SLC38A4: variants seen among roughly 807,000 people sequenced by gnomAD.
SLC38A4 encodes solute carrier family 38 member 4.
In SLC38A4, 20 loss-of-function variants were observed where a neutral mutation model predicts 63.1. The ratio of observed to expected loss-of-function variants is 0.32; its 90% confidence interval spans 0.22 to 0.46. SLC38A4 has a LOEUF of 0.46. Ranked by LOEUF, SLC38A4 falls within the 20% of genes least tolerant of loss-of-function variation. SLC38A4 has a pLI of 1.00. For missense variants in SLC38A4, 526 were observed against 663.6 expected (o/e 0.79, Z 2.28); for synonymous variants, 230 against 225.5 (o/e 1.02, Z -0.18).
chr12:46,775,219 A>G (rs372970637), intron 13 of SLC38A4, 46 bp from the exon 14 acceptor site: 24 of 1,588,592 alleles, frequency 1.5e-5, no homozygotes, highest in Non-Finnish European at 2.0e-5. Context: ...TTGTCAAATC[A>G]GCACAGGTCA....
At chr12:46,807,451 G>C (rs1372671585) in intron 1 of SLC38A4, among the ~76,000 whole-genome samples, 2 of 151,856 alleles carry the variant, frequency 1.3e-5, no homozygotes, top group Admixed American at 6.6e-5. Context: ...CCTAAAAAGT[G>C]GAAAATACTA....
chr12:46,826,291 G>T (rs1486985234), upstream of SLC38A4, among the ~76,000 whole-genome samples: 1 of 152,126 alleles, frequency 6.6e-6, no homozygotes, highest in Non-Finnish European at 1.5e-5. Context: ...ACAAACACAG[G>T]GTGGGTAGAA....
At chr12:46,808,386 A>G (rs1939277591) in intron 1 of SLC38A4, among the ~76,000 whole-genome samples, 1 of 152,042 alleles carries the variant, frequency 6.6e-6, no homozygotes, top group Non-Finnish European at 1.5e-5. Context: ...AGCATTCTGG[A>G]AATGTTTGAA....
At chr12:46,791,137 A>C (rs898179000) in intron 3 of SLC38A4, among the ~76,000 whole-genome samples, 2 of 152,206 alleles carry the variant, frequency 1.3e-5, no homozygotes, top group Non-Finnish European at 2.9e-5. Context: ...ATTTGTGTGC[A>C]TGCCTTTCAG....
chr12:46,778,416 G>A (rs1276968339), intron 11 of SLC38A4, 48 bp from the exon 12 acceptor site: 4 of 1,611,076 alleles, frequency 2.5e-6, no homozygotes, highest in Non-Finnish European at 3.4e-6. Context: ...AACATAGATG[G>A]TGATCTCAGG....
chr12:46,788,872 C>A (rs1198166756), intron 3 of SLC38A4, among the ~76,000 whole-genome samples: 3 of 152,134 alleles, frequency 2.0e-5, no homozygotes, highest in Non-Finnish European at 4.4e-5. Flanking sequence ...ATTGTTTATA[C>A]CACATTCCCT....
At chr12:46,770,658 G>A (rs1412892263) in intron 14 of SLC38A4, among the ~76,000 whole-genome samples, 1 of 152,056 alleles carries the variant, frequency 6.6e-6, no homozygotes, top group Non-Finnish European at 1.5e-5. Flanking sequence ...GGCAGAGGGA[G>A]GGAGTGACAT....
chr12:46,775,208 G>A, intron 13 of SLC38A4, 35 bp from the exon 14 acceptor site: 1 of 1,602,950 alleles, frequency 6.2e-7, no homozygotes, highest in Non-Finnish European at 8.5e-7. Flanking sequence ...ACCGCTTGGT[G>A]TTGTCAAATC....
In SLC38A4 at chr12:46,778,676, A is replaced by G. The variant is rs1372656154; in HGVS notation, c.818T>C (p.Met273Thr). 4 of 1,612,954 alleles carry G rather than the reference A, an allele frequency of 2.5e-6. No individual in the cohort carries two copies. In the African/African-American group the frequency reaches 5.3e-5, roughly 22 times the overall value. Residue 273 changes from methionine (M) to threonine (T), a missense_variant, in exon 11 of 17, where the codon ATG (methionine) becomes ACG (threonine). Met to Thr is a moderately conservative substitution (Grantham distance 81). Transcript: ENST00000266579. ...FNNTLPMHVVMLPNNSESSDV... is the reference protein window; with the variant it reads ...FNNTLPMHVVTLPNNSESSDV... ...AGAACTCTCAGAGTTGTTGGGTAAC[A>G]TTACCACATGCATTGGAAGCGTGTT...
At chr12:46,819,485 A>G (rs1038605874) in intron 1 of SLC38A4, among the ~76,000 whole-genome samples, 5 of 151,938 alleles carry the variant, frequency 3.3e-5, no homozygotes, top group Admixed American at 2.6e-4. Context: ...TTAAAATAAG[A>G]AAATAAATGT....
Position 46,765,671 on chromosome 12 carries a change from A to G in SLC38A4, c.*1030T>C, listed in dbSNP as rs780742563. ...ATATAAATGCTTTGACTGTGAAGAAAGAAAACTACACATGTAAAAAATAAA... is the reference window on the plus strand; with the variant it reads ...ATATAAATGCTTTGACTGTGAAGAAGGAAAACTACACATGTAAAAAATAAA... On this transcript the variant is annotated 3_prime_UTR_variant, in exon 17 of 17. Transcript: ENST00000266579. The G allele has an allele frequency of 5.7e-6, 1 of 176,918 alleles. No homozygotes were observed. The highest frequency in any genetic ancestry group is 1.2e-5 in the Non-Finnish European group (1 of 81,890). 11.0% of individuals were successfully genotyped at this position (176,918 alleles called of 1,614,324 possible).
At chr12:46,814,665 A>G (rs1365541871) in intron 1 of SLC38A4, among the ~76,000 whole-genome samples, 1 of 152,022 alleles carries the variant, frequency 6.6e-6, no homozygotes, top group Non-Finnish European at 1.5e-5. Flanking sequence ...CACATTCAGT[A>G]GAATCAAATA....
chr12:46,794,190 C>A (rs899394878), intron 2 of SLC38A4, among the ~76,000 whole-genome samples: 1 of 152,062 alleles, frequency 6.6e-6, no homozygotes, highest in Non-Finnish European at 1.5e-5. Flanking sequence ...ATTCCTCTGA[C>A]AAACAGAAAC....
intron 16 of SLC38A4, 81 bp downstream of exon 16, chr12:46,768,229 C>T: frequency 2.9e-6 from 3 of 1,031,738 alleles, no homozygotes; most frequent in Non-Finnish European, 4.2e-6. Flanking sequence ...ATTCATTTTT[C>T]TGAACTATGT....
chr12:46,829,124 G>A (rs1398003469), upstream of SLC38A4, among the ~76,000 whole-genome samples: 1 of 152,126 alleles, frequency 6.6e-6, no homozygotes, highest in African/African-American at 2.4e-5. Flanking sequence ...TCAATTTCCT[G>A]TCTGTAAAAC....
Position 46,788,025 on chromosome 12 carries a change from C to T in SLC38A4, c.217G>A (p.Gly73Arg), listed in dbSNP as rs562561657. The T allele has an allele frequency of 1.3e-5, 21 of 1,612,782 alleles. No individual in the cohort carries two copies. Among genetic ancestry groups the T allele is most frequent in the South Asian group, 6.6e-5 (6 of 91,012 alleles). Residue 73 changes from glycine (G) to arginine (R), a missense_variant, in exon 5 of 17, where the codon GGA (glycine) becomes AGA (arginine). Physicochemically the swap from Gly to Arg is moderately radical, Grantham distance 125. Coordinates refer to ENST00000266579, the MANE Select transcript of SLC38A4 (RefSeq NM_018018.5). ...LADYADEHHP[G>R]TTSFGMSSFN... ...GAAGACATTCCAAAGGAAGTGGTTC[C>T]GGGATGCTTGAAAAAGAAGGGATGT...
chr12:46,813,256 A>G lies in SLC38A4; in HGVS notation c.-304-9462T>C, dbSNP rs190739242. ...ATGTTATATAAACAAAGAGATCTGC[A>G]TACCTATATCTATGTCTGTATTTAT... is the stretch of plus-strand genomic sequence containing the variant. On this transcript the variant is annotated intron_variant, in intron 1 of 16. Transcript: ENST00000266579. Among the ~76,000 whole-genome samples the G allele has an allele frequency of 2.0e-5, 3 of 152,170 alleles. No individual in the cohort carries two copies. The East Asian group carries it at 5.8e-4, about 30-fold the overall frequency.
Position 46,766,081 on chromosome 12 carries a change from A to G in SLC38A4, c.*620T>C, listed in dbSNP as rs1938292706. ...TAACATTTACAAAAATCTATTGAAT[A>G]TAGAAGTCACAACTCAATGTCACAA... On this transcript the variant is annotated 3_prime_UTR_variant, in exon 17 of 17. Coordinates refer to ENST00000266579, the MANE Select transcript of SLC38A4 (RefSeq NM_018018.5). The G allele has an allele frequency of 5.3e-6, 1 of 190,210 alleles. No individual in the cohort carries two copies. Among genetic ancestry groups the G allele is most frequent in the African/African-American group, 2.4e-5 (1 of 42,202 alleles). The allele number at this position is 190,210 out of a possible 1,614,324, so 11.8% of individuals were successfully genotyped here. A position where few individuals can be genotyped will look rare whatever the true frequency, so the allele number is the denominator to read the frequency against.
intron 1 of SLC38A4, among the ~76,000 whole-genome samples, chr12:46,822,298 T>G (rs1054583196): frequency 2.6e-5 from 4 of 152,132 alleles, no homozygotes; most frequent in African/African-American, 4.8e-5. Flanking sequence ...ATAAAATCTG[T>G]GCCAAACATA....
Sources: allele counts gnomAD v4.1 joint callset (sites outside exome capture counted in the v4.1 genomes callset), GRCh38; gene constraint gnomAD v4.1.1; transcripts MANE v1.5; gene names NCBI Gene and HGNC (gene_info 2026-07-23, HGNC 2026-07-21).